The following ZFPM2 variants were observed in gnomAD, a reference collection of about 807,000 sequenced individuals.
ZFPM2 encodes zinc finger protein, FOG family member 2, also known as zinc finger protein ZFPM2.
In ZFPM2, 20 loss-of-function variants were observed where a neutral mutation model predicts 98.6. That is an observed-to-expected ratio of 0.20 (90% CI 0.14 to 0.29). The LOEUF (loss-of-function observed/expected upper bound fraction) is 0.29. ZFPM2 is among the 10% of genes least tolerant of loss of function. The pLI, the probability that ZFPM2 is intolerant of heterozygous loss-of-function variation, is 1.00. For missense variants in ZFPM2, 1,310 were observed against 1,388.6 expected (o/e 0.94, Z 0.90); for synonymous variants, 518 against 502.7 (o/e 1.03, Z -0.41).
chr8:105,397,483 C>T (rs1811246213), intron 1 of ZFPM2, among the ~76,000 whole-genome samples: 1 of 152,010 alleles, frequency 6.6e-6, no homozygotes, highest in African/African-American at 2.4e-5. Context: ...TGTTCATGAT[C>T]ACTATTAATT....
At chr8:105,488,391 A>G (rs764718332) in intron 3 of ZFPM2, among the ~76,000 whole-genome samples, 3 of 152,124 alleles carry the variant, frequency 2.0e-5, no homozygotes, top group Non-Finnish European at 4.4e-5. Context: ...GCGGGCAAAT[A>G]GTGGAAGTAA....
chr8:105,788,915 A>G lies in ZFPM2; in HGVS notation c.730A>G (p.Ile244Val), dbSNP rs1196225342. Reference sequence around the variant, plus strand: ...CATGGCTTCTATTTTGCCCACAGCTATTGTCAATAGTAAGTGCTCAGTGCT... The same window carrying G: ...CATGGCTTCTATTTTGCCCACAGCTGTTGTCAATAGTAAGTGCTCAGTGCT... ...AAMASILPTA[I>V]VNKDIFPCKS... is the part of the protein sequence containing the mutation. Residue 244 changes from isoleucine to valine, a missense_variant, in exon 6 of 8, where the codon ATT becomes GTT. Physicochemically the swap from Ile to Val is conservative, Grantham distance 29. Transcript: ENST00000407775. 1.9e-6 allele frequency: 3 copies of G among 1,613,402 alleles called. No individual in the cohort carries two copies. The highest frequency in any genetic ancestry group is 4.5e-5 in the East Asian group (2 of 44,840).
chr8:105,534,520 G>A (rs1210801223), intron 3 of ZFPM2, among the ~76,000 whole-genome samples: 1 of 144,066 alleles, frequency 6.9e-6, no homozygotes, highest in East Asian at 2.0e-4. Flanking sequence ...GTTTTTGTCT[G>A]TCTTCCCAAT....
At chr8:105,436,725 T>C (rs1288091524) in intron 2 of ZFPM2, among the ~76,000 whole-genome samples, 1 of 152,180 alleles carries the variant, frequency 6.6e-6, no homozygotes, top group African/African-American at 2.4e-5. Context: ...AGCAGTGTGC[T>C]TGGGCATCTT....
At chr8:105,563,153 T>G (rs1815174464) in intron 4 of ZFPM2, among the ~76,000 whole-genome samples, 1 of 152,182 alleles carries the variant, frequency 6.6e-6, no homozygotes, top group Non-Finnish European at 1.5e-5. Context: ...TTTCGACAGG[T>G]GTACTGGGTT....
chr8:105,356,042 A>G (rs1314250986), intron 1 of ZFPM2, among the ~76,000 whole-genome samples: 3 of 152,190 alleles, frequency 2.0e-5, no homozygotes, highest in Non-Finnish European at 2.9e-5. Context: ...TTTTTGAACT[A>G]TAAAAGCTAT....
At chr8:105,689,004 T>G (rs974090724) in intron 5 of ZFPM2, among the ~76,000 whole-genome samples, 1 of 152,180 alleles carries the variant, frequency 6.6e-6, no homozygotes, top group Non-Finnish European at 1.5e-5. Flanking sequence ...ACACTGACCT[T>G]TCTTCCATCC....
intron 5 of ZFPM2, among the ~76,000 whole-genome samples, chr8:105,675,731 G>A (rs1456877153): frequency 6.6e-6 from 1 of 152,064 alleles, no homozygotes; most frequent in African/African-American, 2.4e-5. Flanking sequence ...CTAAATATCA[G>A]GCCACTAGAT....
intron 5 of ZFPM2, among the ~76,000 whole-genome samples, chr8:105,697,183 T>G (rs1811036664): frequency 6.6e-6 from 1 of 152,200 alleles, no homozygotes; most frequent in African/African-American, 2.4e-5. Flanking sequence ...CACTTCTGTC[T>G]TACCTACCTC....
At position 105,801,394 on chromosome 8, in the gene ZFPM2, C is replaced by G; in HGVS notation, c.1312C>G (p.Leu438Val). The change falls in exon 8 of 8, where the codon CTG (leucine) becomes GTG (valine). Residue 438 changes from leucine to valine, a missense_variant. Leu to Val is a conservative substitution (Grantham distance 32). Transcript: ENST00000407775. ...TAAAGATGCGAGCTCTGACACAGAGCTGGACAAGTGTGAGAAAAAGACTCA... is the reference window on the plus strand; with the variant it reads ...TAAAGATGCGAGCTCTGACACAGAGGTGGACAAGTGTGAGAAAAAGACTCA... Reference protein sequence around the residue: ...QTKDASSDTELDKCEKKTQLF... With the variant: ...QTKDASSDTEVDKCEKKTQLF... 6.2e-7 allele frequency: 1 copy of G among 1,613,898 alleles called. No individual in the cohort carries two copies. The highest frequency in any genetic ancestry group is 8.5e-7 in the Non-Finnish European group (1 of 1,179,854).
chr8:105,715,064 T>C (rs1444389368), intron 5 of ZFPM2, among the ~76,000 whole-genome samples: 2 of 152,052 alleles, frequency 1.3e-5, no homozygotes, highest in East Asian at 1.9e-4. Context: ...GTTGTAACTA[T>C]ACTTGTTTCT....
intron 5 of ZFPM2, among the ~76,000 whole-genome samples, chr8:105,722,529 T>C (rs1811692494): frequency 6.6e-6 from 1 of 151,942 alleles, no homozygotes. Context: ...AATAATTGAT[T>C]AACACATATT....
At chr8:105,429,569 C>T (rs77593197) in intron 2 of ZFPM2, among the ~76,000 whole-genome samples, 2,687 of 151,808 alleles carry the variant, frequency 0.018, 70 homozygotes, top group African/African-American at 0.061. Context: ...CTCACCAGCA[C>T]GCATCTGCCT....
chr8:105,677,329 C>T (rs1372108161), intron 5 of ZFPM2, among the ~76,000 whole-genome samples: 1 of 151,718 alleles, frequency 6.6e-6, no homozygotes, highest in Non-Finnish European at 1.5e-5. Flanking sequence ...CTTTTATGTA[C>T]AGATGGGGAA....
intron 1 of ZFPM2, among the ~76,000 whole-genome samples, chr8:105,381,804 G>A (rs548984118): frequency 5.9e-5 from 9 of 152,184 alleles, no homozygotes; most frequent in African/African-American, 1.4e-4. Context: ...AAGTGTTTAC[G>A]TAATTGTGGT....
At chr8:105,377,481 G>C (rs1301805304) in intron 1 of ZFPM2, among the ~76,000 whole-genome samples, 1 of 151,890 alleles carries the variant, frequency 6.6e-6, no homozygotes, top group Non-Finnish European at 1.5e-5. Flanking sequence ...GAATGACTGG[G>C]CTGGGTGTGG....
Position 105,803,591 on chromosome 8 carries a change from C to G in ZFPM2, c.*53C>G, listed in dbSNP as rs1390043201. 1.2e-5 allele frequency: 19 copies of G among 1,523,558 alleles called. No individual in the cohort carries two copies. Among genetic ancestry groups the G allele is most frequent in the Non-Finnish European group, 1.6e-5 (18 of 1,121,906 alleles). 94.4% of individuals were successfully genotyped at this position (1,523,558 alleles called of 1,614,324 possible). On this transcript the variant is annotated 3_prime_UTR_variant, in exon 8 of 8. Coordinates refer to ENST00000407775, the MANE Select transcript of ZFPM2 (RefSeq NM_012082.4). ...ATCAGTGTTTAGTATGTTGTTCTAA[C>G]CAGTCCAGAAAAAAAAATAAGCTGT...
At chr8:105,402,697 T>A (rs1811364761) in intron 1 of ZFPM2, among the ~76,000 whole-genome samples, 1 of 152,076 alleles carries the variant, frequency 6.6e-6, no homozygotes, top group Non-Finnish European at 1.5e-5. Flanking sequence ...AAAATCAAAC[T>A]TTTATTTGTA....
intron 3 of ZFPM2, among the ~76,000 whole-genome samples, chr8:105,485,328 T>C (rs1330594931): frequency 6.6e-6 from 1 of 151,774 alleles, no homozygotes; most frequent in Non-Finnish European, 1.5e-5. Context: ...TTTGATTGAG[T>C]GAGAATAACA....
Sources: allele counts gnomAD v4.1 joint callset (sites outside exome capture counted in the v4.1 genomes callset), GRCh38; gene constraint gnomAD v4.1.1; transcripts MANE v1.5; gene names NCBI Gene and HGNC (gene_info 2026-07-23, HGNC 2026-07-21).